The following BLTP1 variants were observed in gnomAD, a reference collection of about 807,000 sequenced individuals.
BLTP1 encodes the protein fragile site-associated protein.
At chr4:122,182,684 A>G in the BLTP1 span, 1 of 985,292 alleles carries the variant, frequency 1.0e-6, no homozygotes, top group South Asian at 4.7e-5. Context: ...TGTTGGGACC[A>G]TACGAAATGT....
the BLTP1 span, among the ~76,000 whole-genome samples, chr4:122,223,564 A>T: frequency 6.6e-6 from 1 of 152,150 alleles, no homozygotes; most frequent in Non-Finnish European, 1.5e-5. Flanking sequence ...AAGATAAATA[A>T]TTTCAAGTGT....
At chr4:122,323,993 TCTTA>T in the BLTP1 span, among the ~76,000 whole-genome samples, 1 of 152,020 alleles carries the variant, frequency 6.6e-6, no homozygotes, top group East Asian at 1.9e-4. Flanking sequence ...TCATTAACAC[TCTTA>T]CTTTCCTTTG....
the BLTP1 span, chr4:122,152,337 C>T: frequency 2.0e-6 from 2 of 985,712 alleles, no homozygotes; most frequent in African/African-American, 3.5e-5. Context: ...AGGCGCAGTG[C>T]CGCCCGGCCT....
the BLTP1 span, among the ~76,000 whole-genome samples, chr4:122,215,942 T>C: frequency 6.6e-6 from 1 of 152,144 alleles, no homozygotes; most frequent in East Asian, 1.9e-4. Flanking sequence ...ATATTTGGTT[T>C]TCCATTAATA....
chr4:122,215,900 A>G, the BLTP1 span, among the ~76,000 whole-genome samples: 648 of 151,386 alleles, frequency 4.3e-3, 7 homozygotes, highest in African/African-American at 0.015. Context: ...TTGTGACCTC[A>G]TAGCTTATCC....
chr4:122,270,271 A>AT, the BLTP1 span: 1 of 700,254 alleles, frequency 1.4e-6, no homozygotes, highest in Non-Finnish European at 1.8e-6. Context: ...GCAGCTTCTG[A>AT]TTTTTTTCTT....
the BLTP1 span, chr4:122,298,195 ATAGAT>A: frequency 1.2e-5 from 10 of 852,322 alleles, no homozygotes; most frequent in African/African-American, 1.6e-4. Context: ...AATTGAATAA[ATAGAT>A]AAGACAGCTA....
At chr4:122,252,156 G>A in the BLTP1 span, among the ~76,000 whole-genome samples, 1 of 152,292 alleles carries the variant, frequency 6.6e-6, no homozygotes. Context: ...CAGTACCCAG[G>A]TAGCATATCA....
the BLTP1 span, chr4:122,187,397 T>G: frequency 6.2e-7 from 1 of 1,607,868 alleles, no homozygotes; most frequent in Admixed American, 1.7e-5. Flanking sequence ...TTTAAGGTTT[T>G]CTTATTCATG....
chr4:122,271,421 A>T, the BLTP1 span: 3 of 1,613,780 alleles, frequency 1.9e-6, no homozygotes, highest in African/African-American at 4.0e-5. Flanking sequence ...TAATGGTGGC[A>T]ATAGAGTAAA....
At chr4:122,226,362 G>A in the BLTP1 span, 4 of 1,002,758 alleles carry the variant, frequency 4.0e-6, no homozygotes, top group Non-Finnish European at 1.2e-6. Context: ...AGAATTTTAG[G>A]TGCTTTTCTA....
the BLTP1 span, chr4:122,238,300 G>T: frequency 1.2e-6 from 2 of 1,614,082 alleles, no homozygotes; most frequent in South Asian, 1.1e-5. Context: ...ATGACCATTT[G>T]GTTCAAAAAG....
the BLTP1 span, among the ~76,000 whole-genome samples, chr4:122,314,651 A>G: frequency 6.6e-6 from 1 of 152,224 alleles, no homozygotes; most frequent in East Asian, 1.9e-4. Flanking sequence ...TTCCTCCCCA[A>G]GCCTAGCCTT....
chr4:122,185,188 G>T, the BLTP1 span: 2 of 983,012 alleles, frequency 2.0e-6, no homozygotes, highest in Admixed American at 6.1e-5. Context: ...TTTCAACCAA[G>T]TGATGATAAA....
At chr4:122,189,738 T>G in the BLTP1 span, 1 of 886,132 alleles carries the variant, frequency 1.1e-6, no homozygotes, top group South Asian at 5.2e-5. Context: ...ACCAAATTTT[T>G]TTTTCTTCTT....
At chr4:122,271,439 A>G in the BLTP1 span, 1 of 1,613,726 alleles carries the variant, frequency 6.2e-7, no homozygotes, top group Non-Finnish European at 8.5e-7. Flanking sequence ...AAATAATGCA[A>G]AGAACAAACG....
chr4:122,292,626 GA>G, the BLTP1 span: 1 of 926,604 alleles, frequency 1.1e-6, no homozygotes, highest in Non-Finnish European at 1.3e-6. Context: ...AGTGAAAATT[GA>G]AAAAGAATCT....
the BLTP1 span, among the ~76,000 whole-genome samples, chr4:122,303,492 T>A: frequency 6.6e-6 from 1 of 152,230 alleles, no homozygotes; most frequent in African/African-American, 2.4e-5. Flanking sequence ...AAGAAATACA[T>A]TTTGTAAGGC....
chr4:122,324,078 T>G, the BLTP1 span, among the ~76,000 whole-genome samples: 11 of 152,044 alleles, frequency 7.2e-5, no homozygotes, highest in Non-Finnish European at 1.6e-4. Context: ...TGCCCCGAAC[T>G]TAGCTTTCTC....
Sources: allele counts gnomAD v4.1 joint callset (sites outside exome capture counted in the v4.1 genomes callset), GRCh38; gene constraint gnomAD v4.1.1; transcripts MANE v1.5; gene names NCBI Gene and HGNC (gene_info 2026-07-23, HGNC 2026-07-21).